Variants in ANKH observed in about 807,000 individuals in gnomAD.
The protein encoded by ANKH is ANKH inorganic pyrophosphate transport regulator.
Under a neutral mutation model 49.0 loss-of-function variants are expected in ANKH, and 15 were observed. The observed-to-expected ratio is 0.31, with a 90% CI of 0.20 to 0.47. ANKH has a LOEUF of 0.47. Ranked by LOEUF, ANKH falls within the 20% of genes least tolerant of loss-of-function variation. The probability of loss-of-function intolerance (pLI) is 1.00; values close to 1 mark genes in which losing one functional copy is unlikely to be tolerated. For synonymous variants in ANKH, 273 were observed against 260.0 expected (o/e 1.05, Z -0.48); for missense variants, 429 against 652.0 (o/e 0.66, Z 3.72).
chr5:14,806,934 T>TCAAAAGTTCAGA (rs1740725311), intron 1 of ANKH, among the ~76,000 whole-genome samples: 1 of 152,200 alleles, frequency 6.6e-6, no homozygotes, highest in Admixed American at 6.5e-5. Flanking sequence ...ATAGTAGTTG[T>TCAAAAGTTCAGA]CAAAAGTTCA....
chr5:14,835,118 G>A (rs1741615781), intron 1 of ANKH, among the ~76,000 whole-genome samples: 1 of 152,190 alleles, frequency 6.6e-6, no homozygotes, highest in Admixed American at 6.5e-5. Flanking sequence ...TTATGGTGAT[G>A]TAATCTTTAC....
At chr5:14,798,143 C>G (rs1349567590) in intron 1 of ANKH, 13 of 1,550,150 alleles carry the variant, frequency 8.4e-6, no homozygotes, top group Middle Eastern at 1.9e-4. Context: ...CATCATCAGG[C>G]AGCTGCACAC....
At chr5:14,794,337 A>G (rs1740303778) in intron 1 of ANKH, among the ~76,000 whole-genome samples, 1 of 152,234 alleles carries the variant, frequency 6.6e-6, no homozygotes, top group Non-Finnish European at 1.5e-5. Context: ...ATGTAACTAT[A>G]GTGGGGACCA....
At chr5:14,747,622 C>T (rs766419834) in intron 6 of ANKH, among the ~76,000 whole-genome samples, 2 of 152,132 alleles carry the variant, frequency 1.3e-5, no homozygotes, top group East Asian at 1.9e-4. Flanking sequence ...GGAAGAAAAG[C>T]GAAAACAAAG....
chr5:14,857,332 A>G (rs925038604), intron 1 of ANKH, among the ~76,000 whole-genome samples: 2 of 152,226 alleles, frequency 1.3e-5, no homozygotes, highest in Non-Finnish European at 2.9e-5. Flanking sequence ...TTAAAAAATG[A>G]AAGTCCAGAG....
intron 1 of ANKH, among the ~76,000 whole-genome samples, chr5:14,862,064 C>A (rs758516050): frequency 2.0e-5 from 3 of 152,092 alleles, no homozygotes; most frequent in Non-Finnish European, 2.9e-5. Flanking sequence ...GGTGAAACCC[C>A]GTCTCTACCA....
intron 3 of ANKH, among the ~76,000 whole-genome samples, chr5:14,757,430 A>ATCTATC (rs1379233165): frequency 8.8e-6 from 1 of 113,818 alleles, no homozygotes; most frequent in Admixed American, 1.1e-4. Flanking sequence ...ATATATATAT[A>ATCTATC]TTTTTTTTTT....
chr5:14,809,997 G>A (rs1397243211), intron 1 of ANKH, among the ~76,000 whole-genome samples: 1 of 152,128 alleles, frequency 6.6e-6, no homozygotes, highest in African/African-American at 2.4e-5. Context: ...GACTCTGTTT[G>A]TGTTCCCTGG....
intron 1 of ANKH, among the ~76,000 whole-genome samples, chr5:14,848,342 G>A (rs1471067072): frequency 2.6e-5 from 4 of 152,086 alleles, no homozygotes; most frequent in Non-Finnish European, 5.9e-5. Context: ...ATCATCTATC[G>A]CCTGAGAGCA....
At chr5:14,783,684 C>T (rs1164249151) in intron 1 of ANKH, among the ~76,000 whole-genome samples, 1 of 152,098 alleles carries the variant, frequency 6.6e-6, no homozygotes, top group Non-Finnish European at 1.5e-5. Context: ...ACAATGATAT[C>T]CATGGTTTAT....
chr5:14,861,716 T>C (rs1219432219), intron 1 of ANKH, among the ~76,000 whole-genome samples: 1 of 152,174 alleles, frequency 6.6e-6, no homozygotes. Context: ...TCAGTGCCTC[T>C]GAAAAATGTC....
In ANKH at chr5:14,867,336, G is replaced by A. The variant is rs561149781; in HGVS notation, c.96+4016C>T. 6.6e-5 allele frequency among the ~76,000 whole-genome samples: 10 copies of A among 152,136 alleles called. No individual in the cohort carries two copies. In the South Asian group the frequency reaches 1.9e-3, roughly 29 times the overall value. ...ATCTTGAACAAGTACCTTAACAAGC[G>A]TAGGCCTCTCATTGTTTCCTCATAT... On this transcript the variant is annotated intron_variant, in intron 1 of 11. Transcript: ENST00000284268.
intron 1 of ANKH, among the ~76,000 whole-genome samples, chr5:14,838,075 G>A (rs1416823923): frequency 1.3e-5 from 2 of 152,096 alleles, no homozygotes; most frequent in Non-Finnish European, 2.9e-5. Flanking sequence ...AGAACACTTG[G>A]ACACAGGGTG....
chr5:14,802,115 A>G (rs1409268741), intron 1 of ANKH, among the ~76,000 whole-genome samples: 6 of 152,098 alleles, frequency 3.9e-5, no homozygotes, highest in Non-Finnish European at 7.4e-5. Context: ...TTGGCCTGAA[A>G]TAGGCAAAGT....
intron 1 of ANKH, among the ~76,000 whole-genome samples, chr5:14,781,160 C>T (rs868156767): frequency 6.6e-6 from 1 of 152,152 alleles, no homozygotes; most frequent in African/African-American, 2.4e-5. Context: ...TTTGTCTTCC[C>T]GGTAGTTTTC....
rs1018122602 is a variant in ANKH, at chr5:14,760,577, T to C, written c.314-1979A>G. 3.9e-4 allele frequency among the ~76,000 whole-genome samples: 60 copies of C among 152,210 alleles called. 2 individuals are homozygous for C. On this transcript the variant is annotated intron_variant, in intron 2 of 11. Coordinates refer to ENST00000284268, the MANE Select transcript of ANKH (RefSeq NM_054027.6). ...CATGTGTTTTCATTCAGTCAACAAA[T>C]GTTCACTGCGCAGGGATCTGCAAGG...
intron 8 of ANKH, among the ~76,000 whole-genome samples, chr5:14,741,065 A>C (rs144996155): frequency 6.6e-6 from 1 of 152,360 alleles, no homozygotes; most frequent in African/African-American, 2.4e-5. Context: ...CACAGTCTCC[A>C]ACGGAAGGCT....
At chr5:14,714,858 T>C (rs950490829) in intron 9 of ANKH, among the ~76,000 whole-genome samples, 2 of 152,218 alleles carry the variant, frequency 1.3e-5, no homozygotes, top group Non-Finnish European at 2.9e-5. Flanking sequence ...TATAGCCTGC[T>C]CCCAGCTGGG....
chr5:14,711,539 C>CGGA (rs1737205610), intron 11 of ANKH, among the ~76,000 whole-genome samples: 2 of 152,310 alleles, frequency 1.3e-5, no homozygotes, highest in Admixed American at 1.3e-4. Context: ...GCAGGCACTT[C>CGGA]GGAGGACACC....
Sources: allele counts gnomAD v4.1 joint callset (sites outside exome capture counted in the v4.1 genomes callset), GRCh38; gene constraint gnomAD v4.1.1; transcripts MANE v1.5; gene names NCBI Gene and HGNC (gene_info 2026-07-23, HGNC 2026-07-21).